The following FRMD3 variants were observed in gnomAD, a reference collection of about 807,000 sequenced individuals.
The protein encoded by FRMD3 is FERM domain containing 3.
A neutral mutation model predicts 70.2 loss-of-function variants in FRMD3; 33 were observed. That is an observed-to-expected ratio of 0.47 (90% CI 0.36 to 0.63). The LOEUF is 0.63. FRMD3 is among the 20% of genes least tolerant of loss of function. The probability of loss-of-function intolerance (pLI) is 0.00; values close to 1 mark genes in which losing one functional copy is unlikely to be tolerated. For missense variants in FRMD3, 632 were observed against 711.4 expected, an observed-to-expected ratio of 0.89 and a Z score of 1.27; for synonymous variants, 279 against 255.9, an observed-to-expected ratio of 1.09 and a Z score of -0.86.
chr9:83,474,323 C>A (rs1162207932), intron 1 of FRMD3, among the ~76,000 whole-genome samples: 1 of 152,152 alleles, frequency 6.6e-6, no homozygotes, highest in African/African-American at 2.4e-5. Flanking sequence ...TTGTCTCTAT[C>A]ATTTATTTAA....
At chr9:83,539,949 A>G (rs1829979509), upstream of FRMD3, among the ~76,000 whole-genome samples, 1 of 152,080 alleles carries the variant, frequency 6.6e-6, no homozygotes, top group African/African-American at 2.4e-5. Flanking sequence ...CCTGATGGAG[A>G]GGTCAGTATT....
intron 1 of FRMD3, among the ~76,000 whole-genome samples, chr9:83,489,623 C>T (rs774070104): frequency 3.3e-5 from 5 of 152,160 alleles, no homozygotes; most frequent in Non-Finnish European, 7.3e-5. Flanking sequence ...GCTAGCAAGG[C>T]TGTAGAGTAA....
In FRMD3 at chr9:83,316,246, C is replaced by T. The variant is rs1354374662; in HGVS notation, c.597-2499G>A. ...CAATCTCAGCTCACTGCAACCTCTG[C>T]CTCCCAGGTTCAAATGATTCTCCTG... On this transcript the variant is annotated intron_variant, in intron 6 of 13. Coordinates refer to ENST00000304195, the MANE Select transcript of FRMD3 (RefSeq NM_174938.6). Among the ~76,000 whole-genome samples the T allele has an allele frequency of 4.7e-5, 7 of 149,020 alleles. No homozygotes were observed. In the East Asian group the frequency reaches 1.4e-3, roughly 29 times the overall value.
chr9:83,501,708 T>C (rs184258817), intron 1 of FRMD3, among the ~76,000 whole-genome samples: 14 of 152,260 alleles, frequency 9.2e-5, no homozygotes, highest in Admixed American at 9.2e-4. Flanking sequence ...ACAAGATGAT[T>C]GGTATGTAAC....
At chr9:83,261,102 G>GACACACACACACAC (rs59345002) in intron 13 of FRMD3, among the ~76,000 whole-genome samples, 6,143 of 133,004 alleles carry the variant, frequency 0.046, 250 homozygotes, top group East Asian at 0.06. Flanking sequence ...AGGAAACTTA[G>GACACACACACACAC]ACACACACAC....
intron 6 of FRMD3, among the ~76,000 whole-genome samples, chr9:83,331,170 T>C (rs1317718512): frequency 6.6e-6 from 1 of 152,236 alleles, no homozygotes; most frequent in East Asian, 1.9e-4. Flanking sequence ...ATAGCAGCCT[T>C]ATTCATAATT....
chr9:83,331,286 T>A (rs941509921), intron 6 of FRMD3, among the ~76,000 whole-genome samples: 1 of 152,210 alleles, frequency 6.6e-6, no homozygotes, highest in African/African-American at 2.4e-5. Context: ...AATGAGCTCT[T>A]AAACCAAGAA....
the FRMD3 span, among the ~76,000 whole-genome samples, chr9:83,579,978 T>C: frequency 1.3e-5 from 2 of 152,058 alleles, no homozygotes; most frequent in African/African-American, 2.4e-5. Flanking sequence ...AGAATCTGAA[T>C]AGGCCCTTCT....
Position 83,309,563 on chromosome 9 carries a change from C to T in FRMD3, c.899G>A (p.Cys300Tyr). 6.3e-7 allele frequency: 1 copy of T among 1,596,398 alleles called. No homozygotes were observed. Reference sequence around the variant, plus strand: ...ATAAAAGGCCTGGTTTTCCACTCCACACTTCCAAAGATGTTTGCAGGCAGC... The same window carrying T: ...ATAAAAGGCCTGGTTTTCCACTCCATACTTCCAAAGATGTTTGCAGGCAGC... Reference protein sequence around the residue: ...TPAACKHLWKCGVENQAFYKY... With the variant: ...TPAACKHLWKYGVENQAFYKY... The change falls in exon 10 of 14, where the codon TGT becomes TAT. Residue 300 changes from cysteine to tyrosine, a missense_variant. Physicochemically the swap from Cys to Tyr is radical, Grantham distance 194. Coordinates refer to ENST00000304195, the MANE Select transcript of FRMD3 (RefSeq NM_174938.6).
At chr9:83,305,379 T>C (rs978839583) in intron 10 of FRMD3, among the ~76,000 whole-genome samples, 1 of 152,162 alleles carries the variant, frequency 6.6e-6, no homozygotes, top group African/African-American at 2.4e-5. Flanking sequence ...CTGGCAGAAC[T>C]GAGCACAGCA....
At chr9:83,283,398 G>A (rs1834048529) in intron 13 of FRMD3, among the ~76,000 whole-genome samples, 1 of 151,948 alleles carries the variant, frequency 6.6e-6, no homozygotes, top group South Asian at 2.1e-4. Context: ...AGGCGTGGTG[G>A]CGGGTGACTG....
At chr9:83,362,946 GCTTT>G (rs1159312648) in intron 3 of FRMD3, among the ~76,000 whole-genome samples, 15 of 100,542 alleles carry the variant, frequency 1.5e-4, no homozygotes, top group Admixed American at 4.7e-4. Flanking sequence ...CTACTTCCTT[GCTTT>G]CTTTCTTCCT....
At chr9:83,441,948 G>A (rs7023220) in intron 1 of FRMD3, among the ~76,000 whole-genome samples, 37,552 of 152,076 alleles carry the variant, frequency 0.25, 5,961 homozygotes, top group African/African-American at 0.45. Context: ...AATGAAATAT[G>A]TCGGACTACT....
chr9:83,529,704 A>ATT (rs1829756338), intron 1 of FRMD3, among the ~76,000 whole-genome samples: 4 of 152,238 alleles, frequency 2.6e-5, no homozygotes, highest in Non-Finnish European at 5.9e-5. Context: ...AAAGTAAAAG[A>ATT]TATCCCACAG....
chr9:83,246,802 A>G lies in FRMD3; in HGVS notation c.*1116T>C. 1 of 985,300 alleles carries G rather than the reference A, an allele frequency of 1.0e-6. No individual in the cohort carries two copies. Among genetic ancestry groups the G allele is most frequent in the Non-Finnish European group, 1.2e-6 (1 of 829,868 alleles). The allele number at this position is 985,300 out of a possible 1,614,324, so 61.0% of individuals were successfully genotyped here. A position where few individuals can be genotyped will look rare whatever the true frequency, so the allele number is the denominator to read the frequency against. ...CACTTTTATTTAGATCCACTTAAAC[A>G]TGTTCATGTTAACTCAGACAGCGAC... On this transcript the variant is annotated 3_prime_UTR_variant, in exon 14 of 14. Transcript: ENST00000304195.
chr9:83,554,934 A>G, the FRMD3 span, among the ~76,000 whole-genome samples: 1 of 152,152 alleles, frequency 6.6e-6, no homozygotes, highest in Non-Finnish European at 1.5e-5. Flanking sequence ...TAGAACCTCG[A>G]GGTATCACAA....
chr9:83,555,275 C>T, the FRMD3 span, among the ~76,000 whole-genome samples: 1 of 151,900 alleles, frequency 6.6e-6, no homozygotes, highest in African/African-American at 2.4e-5. Flanking sequence ...GGAGTGCTGT[C>T]CCAGGGGGAA....
chr9:83,526,879 T>G (rs892776389), intron 1 of FRMD3, among the ~76,000 whole-genome samples: 1 of 115,670 alleles, frequency 8.6e-6, no homozygotes, highest in African/African-American at 3.2e-5. Context: ...ATAAGCTTCT[T>G]TTTTTTTTTT....
intron 1 of FRMD3, among the ~76,000 whole-genome samples, chr9:83,492,858 C>A (rs1026109182): frequency 6.6e-6 from 1 of 152,190 alleles, no homozygotes; most frequent in East Asian, 1.9e-4. Flanking sequence ...ATGGAAAATT[C>A]GTCAAGCTCG....
Sources: allele counts gnomAD v4.1 joint callset (sites outside exome capture counted in the v4.1 genomes callset), GRCh38; gene constraint gnomAD v4.1.1; transcripts MANE v1.5; gene names NCBI Gene and HGNC (gene_info 2026-07-23, HGNC 2026-07-21).